The following PCDHA13 variants were observed in gnomAD, a reference collection of about 807,000 sequenced individuals.
PCDHA13 encodes the protein protocadherin alpha-13.
PCDHA13 carries 54 observed loss-of-function variants against 64.8 expected under a neutral mutation model. The observed-to-expected ratio is 0.83, with a 90% CI of 0.67 to 1.04. The LOEUF is 1.04. Ranked by LOEUF, PCDHA13 falls within the 50% of genes least tolerant of loss-of-function variation. PCDHA13 has a pLI of 0.00. For synonymous variants in PCDHA13, 587 were observed against 564.4 expected, an observed-to-expected ratio of 1.04 and a Z score of -0.57; for missense variants, 1,248 against 1,254.3, an observed-to-expected ratio of 0.99 and a Z score of 0.08.
Position 140,995,742 on chromosome 5 carries a change from A to G in PCDHA13, c.2542+13179A>G, listed in dbSNP as rs1354360972. Among the ~76,000 whole-genome samples the G allele has an allele frequency of 7.2e-5, 11 of 152,280 alleles. No individual in the cohort carries two copies. In the East Asian group the frequency reaches 2.1e-3, roughly 29 times the overall value. On this transcript the variant is annotated intron_variant, in intron 3 of 3. Coordinates refer to ENST00000289272, the MANE Select transcript of PCDHA13 (RefSeq NM_018904.3). Reference sequence around the variant, plus strand: ...CTTAGGTAATCCTGGTGGATTTGGTATATCATGTCTGAGAAAATGTGGAGA... The same window carrying G: ...CTTAGGTAATCCTGGTGGATTTGGTGTATCATGTCTGAGAAAATGTGGAGA...
chr5:140,928,066 G>A lies in PCDHA13; in HGVS notation c.2394+43404G>A, dbSNP rs376048656. On this transcript the variant is annotated intron_variant, in intron 1 of 3. Transcript: ENST00000289272. ...CCCTTTTCAGCTGACGGCTTCCTTT[G>A]ACAACTACTACAGCCTGCTGATTGA... 8.7e-6 allele frequency: 14 copies of A among 1,614,036 alleles called. No individual in the cohort carries two copies. In the African/African-American group the frequency reaches 1.9e-4, roughly 22 times the overall value.
rs149711844 is a variant in PCDHA13 at position 140,884,286 on chromosome 5, G to T, written c.2018G>T (p.Gly673Val). The change falls in exon 1 of 4, where the codon GGC becomes GTC. Residue 673 changes from glycine to valine, a missense_variant. Gly to Val is a moderately radical substitution (Grantham distance 109, BLOSUM62 -3). Coordinates refer to ENST00000289272, the MANE Select transcript of PCDHA13 (RefSeq NM_018904.3). ...ATVLLSLVES[G>V]QAPQASSRAS... ...GTGCTGTTGTCGCTGGTGGAGAGCG[G>T]CCAAGCGCCACAGGCTTCGTCGAGG... 1.6e-4 allele frequency: 258 copies of T among 1,613,626 alleles called. No individual in the cohort carries two copies. The highest frequency in any genetic ancestry group is 2.1e-4 in the Non-Finnish European group (242 of 1,179,820).
At chr5:140,929,010 G>A in intron 1 of PCDHA13, 2 of 1,614,128 alleles carry the variant, frequency 1.2e-6, no homozygotes, top group Non-Finnish European at 1.7e-6. Flanking sequence ...TGTGTACCAA[G>A]TTGCACCAGA....
At chr5:140,921,213 G>C (rs759293646) in intron 1 of PCDHA13, among the ~76,000 whole-genome samples, 2 of 151,378 alleles carry the variant, frequency 1.3e-5, no homozygotes, top group African/African-American at 2.4e-5. Flanking sequence ...GATAATTCAC[G>C]TCTTTTTTGC....
chr5:140,967,935 A>C (rs186453952), intron 1 of PCDHA13: 1 of 1,614,214 alleles, frequency 6.2e-7, no homozygotes, highest in Admixed American at 1.7e-5. Context: ...CTCAGTGTCA[A>C]TGACCAAGAC....
chr5:140,982,544 A>G lies in PCDHA13; in HGVS notation c.2523A>G (p.Thr841=), dbSNP rs781800144. 1.5e-5 allele frequency: 25 copies of G among 1,614,098 alleles called. No individual in the cohort carries two copies. Among genetic ancestry groups the G allele is most frequent in the Non-Finnish European group, 2.1e-5 (25 of 1,180,048 alleles). Residue 841 remains threonine (T), a synonymous_variant, in exon 3 of 4, where the codon ACA becomes ACG. Coordinates refer to ENST00000289272, the MANE Select transcript of PCDHA13 (RefSeq NM_018904.3). ...GAGGGCCTGATCAGCAGTGGCCAAC[A>G]GTATCCAGTGCAACACCAGGTAAAG... The part of the protein sequence containing the change: ...GPGGPDQQWP[T]VSSATPEPEA...
In PCDHA13 at chr5:140,927,151, T is replaced by C. The variant is rs781865588; in HGVS notation, c.2394+42489T>C. ...AGAGCCGGCGGACCGCGAACAGCTGTGCAGGGCCAAAGCTGCCTGCGTCTT... is the reference window on the plus strand; with the variant it reads ...AGAGCCGGCGGACCGCGAACAGCTGCGCAGGGCCAAAGCTGCCTGCGTCTT... On this transcript the variant is annotated intron_variant, in intron 1 of 3. Coordinates refer to ENST00000289272, the MANE Select transcript of PCDHA13 (RefSeq NM_018904.3). 15 of 1,614,128 alleles carry C rather than the reference T, an allele frequency of 9.3e-6. No homozygotes were observed. In the East Asian group the frequency reaches 3.3e-4, roughly 36 times the overall value.
intron 3 of PCDHA13, among the ~76,000 whole-genome samples, chr5:141,002,971 T>C (rs138459473): frequency 6.6e-6 from 1 of 152,274 alleles, no homozygotes; most frequent in African/African-American, 2.4e-5. Flanking sequence ...TTCCTGAAAA[T>C]AGTATCCTTG....
intron 1 of PCDHA13, among the ~76,000 whole-genome samples, chr5:140,957,264 A>G (rs1554222901): frequency 1.3e-5 from 2 of 152,198 alleles, no homozygotes; most frequent in African/African-American, 2.4e-5. Flanking sequence ...ATATGTAAGC[A>G]CTAGTCCCCC....
intron 1 of PCDHA13, among the ~76,000 whole-genome samples, chr5:140,922,237 G>A (rs2080732766): frequency 6.6e-6 from 1 of 152,156 alleles, no homozygotes; most frequent in Non-Finnish European, 1.5e-5. Flanking sequence ...ACCATGATGT[G>A]TATGAAGATA....
chr5:140,882,648 A>C lies in PCDHA13; in HGVS notation c.380A>C (p.Asn127Thr). 6.2e-7 allele frequency: 1 copy of C among 1,614,216 alleles called. No homozygotes were observed. The highest frequency in any genetic ancestry group is 8.5e-7 in the Non-Finnish European group (1 of 1,180,050). Residue 127 changes from asparagine (N) to threonine (T), a missense_variant, in exon 1 of 4, where the codon AAC (asparagine) becomes ACC (threonine). Asn to Thr is a moderately conservative substitution (Grantham distance 65). Transcript: ENST00000289272. ...FHVEVKVRDI[N>T]DNPPIFPESK... ...GTGGAGGTGAAGGTGAGGGACATTA[A>C]CGACAACCCGCCCATATTCCCTGAA...
At chr5:140,992,430 C>T (rs1356224402) in intron 3 of PCDHA13, among the ~76,000 whole-genome samples, 1 of 152,042 alleles carries the variant, frequency 6.6e-6, no homozygotes, top group Non-Finnish European at 1.5e-5. Flanking sequence ...GAATATTGTT[C>T]CAAGAGTTGG....
At chr5:141,009,034 C>T (rs183192515) in intron 3 of PCDHA13, among the ~76,000 whole-genome samples, 64 of 152,344 alleles carry the variant, frequency 4.2e-4, no homozygotes, top group African/African-American at 1.5e-3. Context: ...TTTCCCATCC[C>T]GTTCCCAGTC....
At chr5:141,000,080 G>C (rs1554257118) in intron 3 of PCDHA13, among the ~76,000 whole-genome samples, 1 of 152,068 alleles carries the variant, frequency 6.6e-6, no homozygotes, top group Non-Finnish European at 1.5e-5. Flanking sequence ...ACAATGCTAG[G>C]CCTGTGAATG....
rs75087916 is a variant in PCDHA13, at chr5:140,963,063, T to G, written c.2395-15886T>G. Among the ~76,000 whole-genome samples, 783 of 152,260 alleles carry G rather than the reference T, an allele frequency of 5.1e-3. 9 individuals carry two copies. Among genetic ancestry groups the G allele is most frequent in the African/African-American group, 0.018 (742 of 41,556 alleles). ...AGAGTCTATAAGGGTTTCTACATTGTGAAGGAGACAGAAATATAAGACATG... is the reference window on the plus strand; with the variant it reads ...AGAGTCTATAAGGGTTTCTACATTGGGAAGGAGACAGAAATATAAGACATG... On this transcript the variant is annotated intron_variant, in intron 1 of 3. Transcript: ENST00000289272.
At chr5:141,009,374 G>A (rs567366098) in intron 3 of PCDHA13, among the ~76,000 whole-genome samples, 2 of 152,334 alleles carry the variant, frequency 1.3e-5, no homozygotes, top group African/African-American at 2.4e-5. Context: ...TGGGAGGATT[G>A]ATTGAGCACA....
Position 140,882,129 on chromosome 5 carries a change from T to C in PCDHA13, c.-140T>C, listed in dbSNP as rs2153382855. 3.4e-6 allele frequency: 5 copies of C among 1,473,110 alleles called. No homozygotes were observed. Among genetic ancestry groups the C allele is most frequent in the Non-Finnish European group, 2.7e-6 (3 of 1,101,900 alleles). 91.3% of individuals were successfully genotyped at this position (1,473,110 alleles called of 1,614,324 possible). A position where few individuals can be genotyped will look rare whatever the true frequency, so the allele number is the denominator to read the frequency against. ...AAGAAAGCCGCCGTTTCTTTCTTCC[T>C]GCAGAAAATATAGCAGAAAGCGGAA... is the stretch of plus-strand genomic sequence containing the variant. On this transcript the variant is annotated 5_prime_UTR_variant, in exon 1 of 4. Coordinates refer to ENST00000289272, the MANE Select transcript of PCDHA13 (RefSeq NM_018904.3).
chr5:140,951,716 C>T (rs2094623458), intron 1 of PCDHA13, among the ~76,000 whole-genome samples: 1 of 152,102 alleles, frequency 6.6e-6, no homozygotes, highest in South Asian at 2.1e-4. Flanking sequence ...GGACACAGAT[C>T]CAAACCATGT....
At chr5:140,943,861 A>AG (rs2093579644) in intron 1 of PCDHA13, among the ~76,000 whole-genome samples, 1 of 152,230 alleles carries the variant, frequency 6.6e-6, no homozygotes, top group South Asian at 2.1e-4. Flanking sequence ...AGTCAAGAAG[A>AG]GGTCTCTGAA....
Sources: gnomAD v4.1 joint callset for allele counts (sites outside exome capture counted in the v4.1 genomes callset) on GRCh38, gnomAD v4.1.1 for gene constraint, MANE v1.5 for transcripts, NCBI Gene and HGNC (gene_info 2026-07-23, HGNC 2026-07-21) for gene names.